Variants in GOLGB1 observed in about 807,000 individuals in gnomAD.
The protein encoded by GOLGB1 is golgin subfamily B member 1.
GOLGB1 carries 174 observed loss-of-function variants against 336.9 expected under a neutral mutation model. That is an observed-to-expected ratio of 0.52 (90% CI 0.46 to 0.59). GOLGB1 has a LOEUF of 0.59. GOLGB1 is among the 20% of genes least tolerant of loss of function. The pLI is 0.00. For missense variants in GOLGB1, 3,331 were observed against 3,645.3 expected, an observed-to-expected ratio of 0.91 and a Z score of 2.22; for synonymous variants, 1,208 against 1,289.2, an observed-to-expected ratio of 0.94 and a Z score of 1.35.
At chr3:121,718,584 G>T in intron 7 of GOLGB1, 83 bp from the exon 8 acceptor site, 1 of 994,094 alleles carries the variant, frequency 1.0e-6, no homozygotes, top group Non-Finnish European at 1.6e-6. Flanking sequence ...ATGTAGATTT[G>T]TATACTTAAA....
rs1391069191 is a variant in GOLGB1 at position 121,694,141 on chromosome 3, G to A, written c.6382C>T (p.Leu2128Phe). The A allele has an allele frequency of 6.2e-7, 1 of 1,613,750 alleles. No homozygotes were observed. The highest frequency in any genetic ancestry group is 1.1e-5 in the South Asian group (1 of 91,052). The part of the protein sequence containing the change: ...KSQMKQKDED[L>F]ERRLEQAEEK... ...TCTGCCTGTTCCAGTCTTCGCTCAA[G>A]ATCTTCATCCTTTTGTTTCATCTGG... Residue 2128 changes from leucine (L) to phenylalanine (F), a missense_variant, in exon 13 of 22, where the codon CTT becomes TTT. Leu to Phe is a conservative substitution (Grantham distance 22, BLOSUM62 0). Transcript: ENST00000614479.
At chr3:121,703,612 T>C (rs1210136460) in intron 10 of GOLGB1, among the ~76,000 whole-genome samples, 1 of 152,248 alleles carries the variant, frequency 6.6e-6, no homozygotes, top group Non-Finnish European at 1.5e-5. Flanking sequence ...AACTGAGTTT[T>C]GATGCCTCTC....
At chr3:121,719,556 G>T in intron 7 of GOLGB1, 90 bp downstream of exon 7, 1 of 937,326 alleles carries the variant, frequency 1.1e-6, no homozygotes, top group African/African-American at 1.7e-5. Context: ...AACACCAAGT[G>T]AAGAGCAGTG....
Position 121,667,527 on chromosome 3 carries a change from T to C in GOLGB1, c.9503A>G (p.Gln3168Arg), listed in dbSNP as rs774922608. 4 of 1,614,196 alleles carry C rather than the reference T, an allele frequency of 2.5e-6. No individual in the cohort carries two copies. Among genetic ancestry groups the C allele is most frequent in the South Asian group, 2.2e-5 (2 of 91,076 alleles). The change falls in exon 20 of 22, where the codon CAA (glutamine) becomes CGA (arginine). Residue 3168 changes from glutamine to arginine, a missense_variant. Coordinates refer to ENST00000614479, the MANE Select transcript of GOLGB1 (RefSeq NM_001366282.2). ...GAGAGCATTCTCAGCAGCCACTCTT[T>C]GGTCTCGTTCTTCTTCCAGCAGCTT... ...LRKLLEEERD[Q>R]RVAAENALSV...
chr3:121,673,215 C>T (rs550834618), intron 17 of GOLGB1, among the ~76,000 whole-genome samples: 3 of 152,012 alleles, frequency 2.0e-5, no homozygotes, highest in African/African-American at 7.2e-5. Context: ...ATTACAGGCC[C>T]CCGCCATCAC....
chr3:121,674,394 C>A (rs906647040), intron 17 of GOLGB1, among the ~76,000 whole-genome samples: 5 of 152,022 alleles, frequency 3.3e-5, no homozygotes, highest in African/African-American at 1.2e-4. Flanking sequence ...CTGTGGCCTC[C>A]CATATACTTT....
intron 13 of GOLGB1, among the ~76,000 whole-genome samples, chr3:121,693,329 A>G (rs564548232): frequency 6.6e-6 from 1 of 152,266 alleles, no homozygotes; most frequent in Admixed American, 6.5e-5. Flanking sequence ...TCTACTAAAA[A>G]TACAAAAAAT....
At chr3:121,669,035 TG>T (rs1470919590) in intron 18 of GOLGB1, among the ~76,000 whole-genome samples, 176 bp downstream of exon 18, 1 of 152,216 alleles carries the variant, frequency 6.6e-6, no homozygotes, top group African/African-American at 2.4e-5. Context: ...TTCTTCTAAT[TG>T]CTTCACTGTA....
intron 10 of GOLGB1, among the ~76,000 whole-genome samples, chr3:121,703,000 T>C (rs976939232): frequency 2.6e-5 from 4 of 152,212 alleles, no homozygotes; most frequent in African/African-American, 9.6e-5. Context: ...CAAAGAGGAA[T>C]AGAGGCAAAG....
At chr3:121,681,565 A>C (rs1941074029) in intron 15 of GOLGB1, 122 bp downstream of exon 15, 1 of 688,296 alleles carries the variant, frequency 1.5e-6, no homozygotes, top group Non-Finnish European at 2.5e-6. Flanking sequence ...AGATGTCACC[A>C]CTGGAAGAAA....
At chr3:121,722,748 A>G (rs1945287748) in intron 5 of GOLGB1, among the ~76,000 whole-genome samples, 1 of 152,246 alleles carries the variant, frequency 6.6e-6, no homozygotes, top group South Asian at 2.1e-4. Flanking sequence ...AGAGTCTTAC[A>G]TTGTGTAAGA....
chr3:121,682,882 G>A (rs927944820), intron 14 of GOLGB1, among the ~76,000 whole-genome samples: 2 of 151,932 alleles, frequency 1.3e-5, no homozygotes, highest in African/African-American at 4.8e-5. Flanking sequence ...ATCTAAAGCT[G>A]GTAGTAAGAA....
At chr3:121,713,696 T>A (rs2108074311) in intron 10 of GOLGB1, among the ~76,000 whole-genome samples, 1 of 152,250 alleles carries the variant, frequency 6.6e-6, no homozygotes, top group Non-Finnish European at 1.5e-5. Flanking sequence ...GGAGTTTGGG[T>A]AACACAGGTG....
chr3:121,695,380 C>T lies in GOLGB1; in HGVS notation c.5143G>A (p.Ala1715Thr). 2 of 1,613,978 alleles carry T rather than the reference C, an allele frequency of 1.2e-6. No homozygotes were observed. Among genetic ancestry groups the T allele is most frequent in the South Asian group, 1.1e-5 (1 of 91,072 alleles). ...RAEVHPAGDT[A>T]KECMETLLSS... The stretch of plus-strand genomic sequence containing the variant: ...AGAAGTGTTTCCATACACTCTTTAG[C>T]TGTATCTCCTGCAGGGTGCACCTCT... The change falls in exon 13 of 22, where the codon GCT becomes ACT. Residue 1715 changes from alanine (A) to threonine (T), a missense_variant. Coordinates refer to ENST00000614479, the MANE Select transcript of GOLGB1 (RefSeq NM_001366282.2).
chr3:121,690,862 G>T lies in GOLGB1; in HGVS notation c.8502C>A (p.Asn2834Lys), dbSNP rs1287424967. 1.2e-6 allele frequency: 2 copies of T among 1,614,016 alleles called. No homozygotes were observed. Among genetic ancestry groups the T allele is most frequent in the Non-Finnish European group, 1.7e-6 (2 of 1,179,922 alleles). ...TAGCCTTGGAAAAGGACTGCACTTG[G>T]TTATAAGAATCTTCTAGTTGTGAGG... ...HLSSQLEDSY[N>K]QVQSFSKAMA... The change falls in exon 14 of 22, where the codon AAC (asparagine) becomes AAA (lysine). Residue 2834 changes from asparagine to lysine, a missense_variant. Physicochemically the swap from Asn to Lys is moderately conservative, Grantham distance 94. Transcript: ENST00000614479.
chr3:121,705,091 A>T (rs1028543398), intron 10 of GOLGB1, among the ~76,000 whole-genome samples: 1 of 152,202 alleles, frequency 6.6e-6, no homozygotes. Context: ...TTTAAGCACA[A>T]ATATTAAAAT....
chr3:121,701,318 G>A (rs1262339733), intron 11 of GOLGB1, among the ~76,000 whole-genome samples: 1 of 152,116 alleles, frequency 6.6e-6, no homozygotes, highest in Non-Finnish European at 1.5e-5. Flanking sequence ...TCATGGATAA[G>A]GTCTCAAAGA....
rs534528475 is a variant in GOLGB1 at position 121,677,012 on chromosome 3, C to G, written c.9058G>C (p.Ala3020Pro). ...YQRQASPETSASPDGSQNLVY... is the reference protein window; with the variant it reads ...YQRQASPETSPSPDGSQNLVY... ...AGATTTTGTGACCCATCTGGGGAAGCTGATGTCTCTGGGGATGCCTGCCAG... is the reference window on the plus strand; with the variant it reads ...AGATTTTGTGACCCATCTGGGGAAGGTGATGTCTCTGGGGATGCCTGCCAG... Residue 3020 changes from alanine to proline, a missense_variant, in exon 17 of 22, where the codon GCT becomes CCT. By Grantham distance (27) the Ala-to-Pro change is conservative (BLOSUM62 -1). Coordinates refer to ENST00000614479, the MANE Select transcript of GOLGB1 (RefSeq NM_001366282.2). The G allele has an allele frequency of 1.4e-5, 23 of 1,614,004 alleles. No individual in the cohort carries two copies. The South Asian group carries it at 1.8e-4, about 12-fold the overall frequency.
At chr3:121,677,115 T>C (rs1940502052) in intron 16 of GOLGB1, 85 bp from the exon 17 acceptor site, 16 of 1,537,670 alleles carry the variant, frequency 1.0e-5, no homozygotes, top group Non-Finnish European at 1.3e-5. Context: ...GTCCGCCCCA[T>C]AGAAGTCATA....
Sources: gnomAD v4.1 joint callset for allele counts (sites outside exome capture counted in the v4.1 genomes callset) on GRCh38, gnomAD v4.1.1 for gene constraint, MANE v1.5 for transcripts, NCBI Gene and HGNC (gene_info 2026-07-23, HGNC 2026-07-21) for gene names.